SUPT3H: variants seen among roughly 807,000 people sequenced by gnomAD.
SUPT3H encodes transcription initiation protein SPT3 homolog.
Under a neutral mutation model 44.3 loss-of-function variants are expected in SUPT3H, and 44 were observed. The ratio of observed to expected loss-of-function variants is 0.99; its 90% CI spans 0.78 to 1.28. The LOEUF (loss-of-function observed/expected upper bound fraction) is 1.28, where lower values mean the gene tolerates loss of function less well. Ranked by LOEUF, SUPT3H falls within the 50% of genes most tolerant of loss-of-function variation. The probability of loss-of-function intolerance (pLI) is 0.00; values close to 1 mark genes in which losing one functional copy is unlikely to be tolerated. For synonymous variants in SUPT3H, 124 were observed against 125.6 expected (o/e 0.99, Z 0.09); for missense variants, 380 against 387.1 (o/e 0.98, Z 0.15).
At chr6:45,122,697 A>T (rs939174584) in intron 2 of SUPT3H, among the ~76,000 whole-genome samples, 5 of 152,162 alleles carry the variant, frequency 3.3e-5, no homozygotes, top group Admixed American at 6.5e-5. Flanking sequence ...TTAAAAAAAA[A>T]TTTTGGGAGT....
chr6:45,005,604 G>A lies in SUPT3H; in HGVS notation c.365-1812C>T, dbSNP rs567132403. On this transcript the variant is annotated intron_variant, in intron 5 of 10. Transcript: ENST00000371459. Reference sequence around the variant, plus strand: ...TAATCACAGCTACTCGGGAGGCTGAGGCAGGAGAATCGCTTGAACCCGGGA... The same window carrying A: ...TAATCACAGCTACTCGGGAGGCTGAAGCAGGAGAATCGCTTGAACCCGGGA... Among the ~76,000 whole-genome samples the A allele has an allele frequency of 3.3e-5, 5 of 151,878 alleles. No homozygotes were observed. The East Asian group carries it at 7.8e-4, about 24-fold the overall frequency.
rs143348378 is a variant in SUPT3H at position 45,198,766 on chromosome 6, C to T, written c.102-92760G>A. On this transcript the variant is annotated intron_variant, in intron 2 of 10. Transcript: ENST00000371459. ...GTTACTCTGAGTTAAGTCACACTACCTGAAGTTACATTTGGAACACCAACA... is the reference window on the plus strand; with the variant it reads ...GTTACTCTGAGTTAAGTCACACTACTTGAAGTTACATTTGGAACACCAACA... 8.9e-3 allele frequency among the ~76,000 whole-genome samples: 1,343 copies of T among 151,396 alleles called. 14 individuals carry two copies. Among genetic ancestry groups the T allele is most frequent in the South Asian group, 0.025 (120 of 4,824 alleles).
chr6:44,814,699 CAG>C (rs199893279), intron 11 of SUPT3H, among the ~76,000 whole-genome samples: 2,246 of 151,832 alleles, frequency 0.015, 45 homozygotes, highest in South Asian at 0.11. Flanking sequence ...TTTTTTTAGA[CAG>C]AGTCTCATTT....
At chr6:45,130,714 T>A (rs1349703014) in intron 2 of SUPT3H, among the ~76,000 whole-genome samples, 1 of 136,000 alleles carries the variant, frequency 7.4e-6, no homozygotes, top group East Asian at 2.0e-4. Context: ...AAAAACCACT[T>A]TTTTTTTTTT....
intron 2 of SUPT3H, among the ~76,000 whole-genome samples, chr6:45,119,245 T>C (rs1049092617): frequency 2.0e-5 from 3 of 152,354 alleles, no homozygotes; most frequent in South Asian, 2.1e-4. Flanking sequence ...TGTATAGTTA[T>C]GTAGTTACAT....
At chr6:45,014,539 C>T (rs529097183) in intron 5 of SUPT3H, among the ~76,000 whole-genome samples, 9 of 152,132 alleles carry the variant, frequency 5.9e-5, no homozygotes, top group Non-Finnish European at 1.0e-4. Flanking sequence ...ACTATGTGCT[C>T]CATAAAAAGA....
intron 10 of SUPT3H, among the ~76,000 whole-genome samples, chr6:44,886,846 C>G (rs1004959459): frequency 6.6e-6 from 1 of 152,100 alleles, no homozygotes; most frequent in South Asian, 2.1e-4. Flanking sequence ...AGTCAAGACC[C>G]ATCAGTGTGC....
At chr6:45,271,244 G>A (rs1321518341) in intron 2 of SUPT3H, among the ~76,000 whole-genome samples, 1 of 152,176 alleles carries the variant, frequency 6.6e-6, no homozygotes, top group Non-Finnish European at 1.5e-5. Context: ...TAATCCCCAA[G>A]ATAATGAGCA....
At chr6:45,142,675 G>A (rs1805408829) in intron 2 of SUPT3H, among the ~76,000 whole-genome samples, 1 of 130,224 alleles carries the variant, frequency 7.7e-6, no homozygotes, top group South Asian at 2.6e-4. Flanking sequence ...GGCGGAAGTT[G>A]CAGTGAGCAG....
intron 2 of SUPT3H, among the ~76,000 whole-genome samples, chr6:45,345,045 A>T (rs1790567896): frequency 6.6e-6 from 1 of 152,190 alleles, no homozygotes; most frequent in Non-Finnish European, 1.5e-5. Flanking sequence ...GCTGTACATT[A>T]AAACGTTCCT....
chr6:44,857,834 A>C (rs1220910747), intron 10 of SUPT3H, among the ~76,000 whole-genome samples: 2 of 152,200 alleles, frequency 1.3e-5, no homozygotes, highest in African/African-American at 4.8e-5. Flanking sequence ...CATTTTTGCC[A>C]TGGTGTCAAC....
At chr6:45,179,054 C>A (rs917934348) in intron 2 of SUPT3H, among the ~76,000 whole-genome samples, 12 of 152,170 alleles carry the variant, frequency 7.9e-5, no homozygotes, top group Admixed American at 2.0e-4. Context: ...GATATCACCA[C>A]CGATCCCACA....
At chr6:45,030,425 C>T (rs781246422) in intron 3 of SUPT3H, among the ~76,000 whole-genome samples, 3 of 152,182 alleles carry the variant, frequency 2.0e-5, no homozygotes, top group Non-Finnish European at 4.4e-5. Flanking sequence ...CAGGCATCTA[C>T]TGAACGGGTT....
At chr6:45,115,317 T>C (rs1268389339) in intron 2 of SUPT3H, among the ~76,000 whole-genome samples, 5 of 152,142 alleles carry the variant, frequency 3.3e-5, no homozygotes, top group African/African-American at 1.2e-4. Flanking sequence ...TAGAAAATTA[T>C]CAATATAAAA....
At chr6:44,912,000 C>CTAA (rs1202847822) in intron 10 of SUPT3H, among the ~76,000 whole-genome samples, 1 of 152,196 alleles carries the variant, frequency 6.6e-6, no homozygotes, top group African/African-American at 2.4e-5. Context: ...CTTGCTCTTA[C>CTAA]TTAAGCAGTG....
chr6:44,809,278 C>T (rs189447443), downstream of SUPT3H: 3 of 152,366 alleles, frequency 2.0e-5, no homozygotes, highest in East Asian at 5.8e-4. Context: ...CCTACCATTC[C>T]ACCAAGGGAC....
intron 2 of SUPT3H, among the ~76,000 whole-genome samples, chr6:45,217,087 C>T (rs908524328): frequency 6.6e-6 from 1 of 151,894 alleles, no homozygotes; most frequent in African/African-American, 2.4e-5. Flanking sequence ...CTCAATGCCC[C>T]ATAGATACAA....
At chr6:45,190,782 C>G (rs1629619) in intron 2 of SUPT3H, among the ~76,000 whole-genome samples, 3,096 of 152,130 alleles carry the variant, frequency 0.02, 42 homozygotes, top group Non-Finnish European at 0.032. Flanking sequence ...AAGATCTGAA[C>G]AGACACCTCA....
At position 45,065,484 on chromosome 6, in the gene SUPT3H, G is replaced by C. The variant is rs1210957258; in HGVS notation, c.186+40438C>G. On this transcript the variant is annotated intron_variant, in intron 3 of 10. Coordinates refer to ENST00000371459, the MANE Select transcript of SUPT3H (RefSeq NM_003599.4). ...TCAGAGCAGAACTGAAGGAAATAGA[G>C]ACACAAAAAACCCTTCAAAAATCAA... is the stretch of plus-strand genomic sequence containing the variant. Among the ~76,000 whole-genome samples the C allele has an allele frequency of 2.4e-3, 369 of 150,878 alleles. 2 individuals carry two copies. Among genetic ancestry groups the C allele is most frequent in the African/African-American group, 5.3e-3 (217 of 40,926 alleles).
Sources: allele counts gnomAD v4.1 joint callset (sites outside exome capture counted in the v4.1 genomes callset), GRCh38; gene constraint gnomAD v4.1.1; transcripts MANE v1.5; gene names NCBI Gene and HGNC (gene_info 2026-07-23, HGNC 2026-07-21).